The following CDH18 variants were observed in gnomAD, a reference collection of about 807,000 sequenced individuals.
CDH18 encodes cadherin 18, also known as cadherin-18.
Under a neutral mutation model 67.9 loss-of-function variants are expected in CDH18, and 31 were observed. That is an observed-to-expected ratio of 0.46 (90% CI 0.34 to 0.62). CDH18 has a LOEUF of 0.62. Among genes scored for constraint, CDH18 ranks in the 20% least tolerant of loss-of-function variants. CDH18 has a pLI of 0.01. For missense variants in CDH18, 890 were observed against 975.5 expected (o/e 0.91, Z 1.17); for synonymous variants, 362 against 347.2 (o/e 1.04, Z -0.48).
intron 2 of CDH18, among the ~76,000 whole-genome samples, chr5:19,947,368 G>T (rs1795365540): frequency 6.6e-6 from 1 of 151,734 alleles, no homozygotes; most frequent in Non-Finnish European, 1.5e-5. Flanking sequence ...CACTTTTATA[G>T]GAAAAAAGAC....
At chr5:19,523,718 G>C (rs1392170678) in intron 9 of CDH18, among the ~76,000 whole-genome samples, 1 of 152,054 alleles carries the variant, frequency 6.6e-6, no homozygotes, top group Non-Finnish European at 1.5e-5. Context: ...GGCCTATAAA[G>C]TTAACTCATA....
chr5:20,572,066 C>T (rs1176296367), intron 1 of CDH18, among the ~76,000 whole-genome samples: 2 of 151,992 alleles, frequency 1.3e-5, no homozygotes, highest in Admixed American at 6.6e-5. Context: ...CCTTTCTTCC[C>T]GTAATACACC....
intron 2 of CDH18, among the ~76,000 whole-genome samples, chr5:19,901,936 G>A (rs1789979226): frequency 6.6e-6 from 1 of 151,630 alleles, no homozygotes; most frequent in African/African-American, 2.4e-5. Context: ...AAGTTCCTTT[G>A]TCTCTGAAAA....
chr5:20,110,404 C>T (rs890302996), intron 2 of CDH18, among the ~76,000 whole-genome samples: 1 of 145,664 alleles, frequency 6.9e-6, no homozygotes, highest in East Asian at 2.1e-4. Flanking sequence ...AAATGTGTGT[C>T]GAGCACGGTG....
rs576001863 is a variant in CDH18, at chr5:20,308,387, C to CA, written c.-579-52883dup. ...GTGAAACCCCATCTCTACTAAAATA[C>CA]AAAAAATTAGCCGGGAGTGGCGGCA... On this transcript the variant is annotated intron_variant, in intron 1 of 14. Coordinates refer to the CDH18 transcript ENST00000507958. Among the ~76,000 whole-genome samples the CA allele has an allele frequency of 3.3e-4, 50 of 151,752 alleles. No homozygotes were observed. In the South Asian group the frequency reaches 9.4e-3, roughly 28 times the overall value.
At chr5:20,121,855 C>G (rs1748377759) in intron 2 of CDH18, among the ~76,000 whole-genome samples, 1 of 152,056 alleles carries the variant, frequency 6.6e-6, no homozygotes, top group Non-Finnish European at 1.5e-5. Flanking sequence ...AAAAGTAGCT[C>G]AAAAATTCAA....
intron 2 of CDH18, among the ~76,000 whole-genome samples, chr5:19,943,683 G>A (rs546407367): frequency 2.0e-5 from 3 of 151,930 alleles, no homozygotes; most frequent in African/African-American, 7.2e-5. Flanking sequence ...TCCAGTCAAT[G>A]AATAATTAAA....
At chr5:19,846,061 T>C (rs1046518606) in intron 2 of CDH18, among the ~76,000 whole-genome samples, 2 of 152,174 alleles carry the variant, frequency 1.3e-5, no homozygotes. Context: ...TTTCTGTCTA[T>C]CTTGTAGCTA....
At chr5:20,428,493 G>T (rs1278011843) in intron 1 of CDH18, among the ~76,000 whole-genome samples, 2 of 152,100 alleles carry the variant, frequency 1.3e-5, no homozygotes, top group Admixed American at 6.5e-5. Context: ...TGATATTTCT[G>T]GTTCTATATC....
chr5:19,965,693 A>G (rs574295578), intron 2 of CDH18, among the ~76,000 whole-genome samples: 2 of 152,310 alleles, frequency 1.3e-5, no homozygotes, highest in South Asian at 4.1e-4. Context: ...CCTGAAGGCT[A>G]CATTTCTCCA....
intron 2 of CDH18, among the ~76,000 whole-genome samples, chr5:19,854,461 A>T (rs1372164048): frequency 6.6e-6 from 1 of 152,162 alleles, no homozygotes; most frequent in Non-Finnish European, 1.5e-5. Context: ...ACAAGAATAA[A>T]AGGTGGTCAG....
intron 7 of CDH18, among the ~76,000 whole-genome samples, chr5:19,589,099 A>G (rs900026335): frequency 2.0e-5 from 3 of 152,086 alleles, no homozygotes; most frequent in African/African-American, 7.2e-5. Flanking sequence ...ACCCCAAAAC[A>G]ACAGAATATA....
At chr5:19,781,011 A>G (rs1349812062) in intron 3 of CDH18, among the ~76,000 whole-genome samples, 2 of 152,170 alleles carry the variant, frequency 1.3e-5, no homozygotes, top group Non-Finnish European at 2.9e-5. Flanking sequence ...TGTAGAAGCA[A>G]AGAAAAACTC....
At chr5:19,788,381 G>A (rs116726178) in intron 3 of CDH18, among the ~76,000 whole-genome samples, 598 of 152,298 alleles carry the variant, frequency 3.9e-3, no homozygotes, top group African/African-American at 0.014. Flanking sequence ...ATGATAAAGA[G>A]ACTTCAAGTG....
At chr5:19,590,058 G>C (rs951301565) in intron 7 of CDH18, among the ~76,000 whole-genome samples, 1 of 152,082 alleles carries the variant, frequency 6.6e-6, no homozygotes, top group Non-Finnish European at 1.5e-5. Context: ...ATTAGAAGCT[G>C]TGTGCATGTA....
chr5:19,658,805 C>T (rs1392305167), intron 5 of CDH18, among the ~76,000 whole-genome samples: 1 of 151,978 alleles, frequency 6.6e-6, no homozygotes, highest in Non-Finnish European at 1.5e-5. Flanking sequence ...CTCCCCACTT[C>T]GCCCACCCCA....
At chr5:19,770,238 A>G (rs575124358) in intron 3 of CDH18, among the ~76,000 whole-genome samples, 1 of 152,218 alleles carries the variant, frequency 6.6e-6, no homozygotes, top group South Asian at 2.1e-4. Flanking sequence ...ATAACAAGGG[A>G]CTTTTTAAAG....
chr5:20,213,716 T>G (rs1740535989), intron 2 of CDH18, among the ~76,000 whole-genome samples: 1 of 152,142 alleles, frequency 6.6e-6, no homozygotes, highest in East Asian at 1.9e-4. Flanking sequence ...TTTGTACTTC[T>G]GTGGGGTCAG....
intron 10 of CDH18, among the ~76,000 whole-genome samples, chr5:19,508,173 A>C (rs927100138): frequency 1.3e-5 from 2 of 152,176 alleles, no homozygotes; most frequent in Middle Eastern, 3.4e-3. Context: ...TTTACAAATC[A>C]CCTTGTCTCT....
Sources: allele counts gnomAD v4.1 joint callset (sites outside exome capture counted in the v4.1 genomes callset), GRCh38; gene constraint gnomAD v4.1.1; transcripts MANE v1.5; gene names NCBI Gene and HGNC (gene_info 2026-07-23, HGNC 2026-07-21).